CNR2: variants seen among roughly 807,000 people sequenced by gnomAD.
CNR2 encodes cannabinoid receptor 2 (macrophage).
For synonymous variants in CNR2, 172 were observed against 182.2 expected, an observed-to-expected ratio of 0.94 and a Z score of 0.45; for missense variants, 379 against 439.9, an observed-to-expected ratio of 0.86 and a Z score of 1.24.
At chr1:23,903,919 G>C (rs1239068236) in intron 1 of CNR2, among the ~76,000 whole-genome samples, 2 of 152,210 alleles carry the variant, frequency 1.3e-5, no homozygotes, top group Admixed American at 1.3e-4. Flanking sequence ...CCTGTGCCCA[G>C]GTCTGCAACT....
At chr1:23,877,496 A>G (rs3123555) in intron 1 of CNR2, among the ~76,000 whole-genome samples, 95,786 of 151,486 alleles carry the variant, frequency 0.63, 30,672 homozygotes, top group African/African-American at 0.75. Flanking sequence ...TTAGCTGGGC[A>G]TGGTGGCAGG....
intron 1 of CNR2, among the ~76,000 whole-genome samples, chr1:23,896,433 G>A (rs1640287715): frequency 6.6e-6 from 1 of 152,244 alleles, no homozygotes; most frequent in African/African-American, 2.4e-5. Context: ...GACTAACTGA[G>A]TTAGCTCAGG....
chr1:23,902,303 G>C lies in CNR2; in HGVS notation c.-46+10943C>G. The C allele has an allele frequency of 2.0e-6, 3 of 1,527,000 alleles. No individual in the cohort carries two copies. In the South Asian group the frequency reaches 3.7e-5, roughly 19 times the overall value. The allele number at this position is 1,527,000 out of a possible 1,614,324, so 94.6% of individuals were successfully genotyped here. On this transcript the variant is annotated intron_variant, in intron 1 of 1. Transcript: ENST00000374472. ...GCAGGGCCATCTCGGCCTGTGCGTC[G>C]ATGACCTCCCAGCAGCGCTGGGTCA... is the stretch of plus-strand genomic sequence containing the variant.
At position 23,875,637 on chromosome 1, in the gene CNR2, C is replaced by A; in HGVS notation, c.-20G>T. The A allele has an allele frequency of 6.4e-7, 1 of 1,572,080 alleles. No homozygotes were observed. The highest frequency in any genetic ancestry group is 1.2e-5 in the South Asian group (1 of 86,320). On this transcript the variant is annotated 5_prime_UTR_variant, in exon 2 of 2. Coordinates refer to ENST00000374472, the MANE Select transcript of CNR2 (RefSeq NM_001841.3). Reference sequence around the variant, plus strand: ...CTCCATGGGGTGGGCCCTTCAGATTCCACTGAGCTTGTCTAGAAGGCTTTG... The same window carrying A: ...CTCCATGGGGTGGGCCCTTCAGATTACACTGAGCTTGTCTAGAAGGCTTTG...
intron 1 of CNR2, among the ~76,000 whole-genome samples, chr1:23,882,869 C>A (rs1640017132): frequency 6.6e-6 from 1 of 151,924 alleles, no homozygotes; most frequent in Admixed American, 6.6e-5. Context: ...AAAAAAGCCT[C>A]ATGAGCTCAT....
At chr1:23,905,979 G>A (rs751607589) in intron 1 of CNR2, among the ~76,000 whole-genome samples, 2 of 152,172 alleles carry the variant, frequency 1.3e-5, no homozygotes, top group Non-Finnish European at 2.9e-5. Context: ...TGGATTTCTA[G>A]TTCCTGTTCC....
At chr1:23,899,972 AGGAAAGAAAGAAAG>A (rs1640369053) in intron 1 of CNR2, among the ~76,000 whole-genome samples, 1 of 4,982 alleles carries the variant, frequency 2.0e-4, no homozygotes, top group African/African-American at 2.6e-4. Flanking sequence ...AAAGAAAGAA[AGGAAAGAAAGAAAG>A]AAAAGAAAGA....
intron 1 of CNR2, among the ~76,000 whole-genome samples, chr1:23,899,167 G>A (rs1462338938): frequency 6.6e-6 from 1 of 152,094 alleles, no homozygotes. Flanking sequence ...TCTTATCTAT[G>A]AGGAACCAGA....
At chr1:23,912,184 GC>G (rs1640598005) in intron 1 of CNR2, among the ~76,000 whole-genome samples, 1 of 152,186 alleles carries the variant, frequency 6.6e-6, no homozygotes, top group Non-Finnish European at 1.5e-5. Context: ...TTTGCATTAG[GC>G]CATCGAGCTA....
chr1:23,881,817 G>C (rs1204977394), intron 1 of CNR2, among the ~76,000 whole-genome samples: 2 of 150,234 alleles, frequency 1.3e-5, no homozygotes, highest in African/African-American at 2.4e-5. Context: ...TTGAACTTGG[G>C]AAGGCGGAGG....
chr1:23,902,474 A>G (rs1032378304), intron 1 of CNR2: 10 of 1,602,412 alleles, frequency 6.2e-6, no homozygotes, highest in East Asian at 2.2e-5. Context: ...CCAGCACCGT[A>G]TCCGCTTCCA....
At chr1:23,886,340 G>A (rs1013346501) in intron 1 of CNR2, among the ~76,000 whole-genome samples, 2 of 152,086 alleles carry the variant, frequency 1.3e-5, no homozygotes, top group South Asian at 4.1e-4. Context: ...AGGTAGATAC[G>A]GCCCTGTCTA....
chr1:23,906,933 G>A (rs1640494667), intron 1 of CNR2, among the ~76,000 whole-genome samples: 3 of 150,776 alleles, frequency 2.0e-5, no homozygotes, highest in African/African-American at 7.3e-5. Flanking sequence ...GCCCCTATTT[G>A]CATGCCTCTC....
intron 1 of CNR2, among the ~76,000 whole-genome samples, chr1:23,912,105 G>T (rs1162780203): frequency 6.6e-6 from 1 of 152,164 alleles, no homozygotes; most frequent in East Asian, 1.9e-4. Flanking sequence ...CTCGCAACAA[G>T]CCTGTGAGTG....
At chr1:23,888,092 C>A (rs1045830857) in intron 1 of CNR2, among the ~76,000 whole-genome samples, 3 of 152,178 alleles carry the variant, frequency 2.0e-5, no homozygotes, top group Non-Finnish European at 4.4e-5. Context: ...ACATAATGCC[C>A]ACCTCAAAAT....
intron 1 of CNR2, among the ~76,000 whole-genome samples, chr1:23,905,953 A>C (rs181550301): frequency 6.6e-6 from 1 of 152,302 alleles, no homozygotes; most frequent in East Asian, 1.9e-4. Flanking sequence ...TCGGGAGCCA[A>C]ACTTGCAAGG....
At chr1:23,883,436 G>A (rs971707752) in intron 1 of CNR2, among the ~76,000 whole-genome samples, 3 of 152,224 alleles carry the variant, frequency 2.0e-5, no homozygotes, top group African/African-American at 7.2e-5. Context: ...AATTCTAAAT[G>A]TCCATCAACT....
At chr1:23,898,777 T>A (rs1640333939) in intron 1 of CNR2, among the ~76,000 whole-genome samples, 1 of 148,200 alleles carries the variant, frequency 6.7e-6, no homozygotes, top group Non-Finnish European at 1.5e-5. Context: ...CTCAGCCTCC[T>A]GAGTAGCTGG....
At chr1:23,901,505 C>T (rs1274954594) in intron 1 of CNR2, 6 of 1,592,332 alleles carry the variant, frequency 3.8e-6, no homozygotes, top group Non-Finnish European at 5.1e-6. Flanking sequence ...GATCTGCCCA[C>T]CCTGGACCCC....
Sources: gnomAD v4.1 joint callset for allele counts (sites outside exome capture counted in the v4.1 genomes callset) on GRCh38, gnomAD v4.1.1 for gene constraint, MANE v1.5 for transcripts, NCBI Gene and HGNC (gene_info 2026-07-23, HGNC 2026-07-21) for gene names.